The following SLC14A2 variants were observed in gnomAD, a reference collection of about 807,000 sequenced individuals.
SLC14A2 encodes solute carrier family 14 member 2.
Under a neutral mutation model 104.6 loss-of-function variants are expected in SLC14A2, and 91 were observed. The observed-to-expected ratio is 0.87, with a 90% CI of 0.73 to 1.04. SLC14A2 has a LOEUF of 1.04. Among genes scored for constraint, SLC14A2 ranks in the 50% least tolerant of loss-of-function variants. SLC14A2 has a pLI of 0.00. For missense variants in SLC14A2, 1,189 were observed against 1,156.0 expected (o/e 1.03, Z -0.41); for synonymous variants, 476 against 466.4 (o/e 1.02, Z -0.27).
intron 18 of SLC14A2, among the ~76,000 whole-genome samples, chr18:45,675,478 T>TATA (rs1006063822): frequency 1.3e-5 from 2 of 151,950 alleles, no homozygotes; most frequent in African/African-American, 4.8e-5. Context: ...GAAAGCAGTC[T>TATA]ATAACACATA....
At chr18:45,375,767 G>A (rs1343252764) in intron 1 of SLC14A2, among the ~76,000 whole-genome samples, 1 of 152,150 alleles carries the variant, frequency 6.6e-6, no homozygotes, top group Non-Finnish European at 1.5e-5. Flanking sequence ...CAGGCTCTGT[G>A]AGCAATCCAT....
At chr18:45,495,308 C>T (rs2043074504) in intron 2 of SLC14A2, among the ~76,000 whole-genome samples, 1 of 152,160 alleles carries the variant, frequency 6.6e-6, no homozygotes, top group Admixed American at 6.5e-5. Context: ...GAAATAAAAA[C>T]AAAACAAAAT....
intron 2 of SLC14A2, among the ~76,000 whole-genome samples, chr18:45,608,976 G>A (rs955499297): frequency 2.0e-5 from 3 of 152,300 alleles, no homozygotes; most frequent in African/African-American, 7.2e-5. Flanking sequence ...AGGAGCCACA[G>A]GGCAATGGAA....
At position 45,644,122 on chromosome 18, in the gene SLC14A2, T is replaced by C; in HGVS notation, c.1313T>C (p.Leu438Pro). The change falls in exon 10 of 20, where the codon CTG (leucine) becomes CCG (proline). Residue 438 changes from leucine (L) to proline (P), a missense_variant. Leu to Pro is a moderately conservative substitution (Grantham distance 98). Transcript: ENST00000255226. Reference protein sequence around the residue: ...TYPEANRIYYLTVKSGEEEKA... With the variant: ...TYPEANRIYYPTVKSGEEEKA... ...CCCGAGGCCAACCGCATCTACTACC[T>C]GACAGTGAAAAGCGGTGAAGAAGAG... 6.2e-7 allele frequency: 1 copy of C among 1,614,188 alleles called. No homozygotes were observed. Among genetic ancestry groups the C allele is most frequent in the Non-Finnish European group, 8.5e-7 (1 of 1,180,016 alleles).
chr18:45,255,605 G>C (rs1402900247), intron 1 of SLC14A2, among the ~76,000 whole-genome samples: 1 of 152,192 alleles, frequency 6.6e-6, no homozygotes, highest in Admixed American at 6.5e-5. Flanking sequence ...CAAGATGTTA[G>C]AGTCAACAGC....
rs746371586 is a variant in SLC14A2, at chr18:45,639,781, G to A, written c.879G>A (p.Val293=). 3 of 1,614,032 alleles carry A rather than the reference G, an allele frequency of 1.9e-6. No individual in the cohort carries two copies. The highest frequency in any genetic ancestry group is 1.1e-5 in the South Asian group (1 of 91,078). ...LQAIPVGVGQ[V]YGCDNPWTGG... is the part of the protein sequence containing the mutation. Reference sequence around the variant, plus strand: ...CCATCCCTGTTGGGGTCGGCCAGGTGTATGGCTGTGACAATCCCTGGACAG... The same window carrying A: ...CCATCCCTGTTGGGGTCGGCCAGGTATATGGCTGTGACAATCCCTGGACAG... The change falls in exon 7 of 20, where the codon GTG becomes GTA. Residue 293 remains valine, a synonymous_variant. Coordinates refer to ENST00000255226, the MANE Select transcript of SLC14A2 (RefSeq NM_007163.4).
At chr18:45,285,854 C>T (rs1040090087) in intron 1 of SLC14A2, among the ~76,000 whole-genome samples, 1 of 152,160 alleles carries the variant, frequency 6.6e-6, no homozygotes. Flanking sequence ...GGACTCTGCA[C>T]TACATTTCCT....
intron 2 of SLC14A2, among the ~76,000 whole-genome samples, chr18:45,536,645 C>G (rs931300232): frequency 1.3e-5 from 2 of 152,134 alleles, no homozygotes; most frequent in African/African-American, 2.4e-5. Flanking sequence ...AATCCATTGC[C>G]AAGTAAAGTC....
At chr18:45,541,105 G>A (rs1403097110) in intron 2 of SLC14A2, among the ~76,000 whole-genome samples, 1 of 152,140 alleles carries the variant, frequency 6.6e-6, no homozygotes, top group East Asian at 1.9e-4. Context: ...CAGAGTCTAG[G>A]GATCTAAGCC....
At chr18:45,228,987 G>A (rs570739037) in intron 1 of SLC14A2, among the ~76,000 whole-genome samples, 7 of 152,182 alleles carry the variant, frequency 4.6e-5, no homozygotes, top group East Asian at 1.9e-4. Context: ...GCCATCTGTC[G>A]CAGAAATCCT....
At chr18:45,294,578 C>T (rs2084902224) in intron 1 of SLC14A2, among the ~76,000 whole-genome samples, 1 of 152,176 alleles carries the variant, frequency 6.6e-6, no homozygotes, top group Admixed American at 6.5e-5. Context: ...CATGCTTGGG[C>T]CCCATACATT....
intron 1 of SLC14A2, among the ~76,000 whole-genome samples, chr18:45,355,437 G>A (rs762226642): frequency 4.0e-5 from 6 of 151,784 alleles, no homozygotes; most frequent in Admixed American, 3.3e-4. Flanking sequence ...AATTAGCCAG[G>A]CATGGTGGTG....
chr18:45,419,025 A>C (rs8084757), intron 1 of SLC14A2, among the ~76,000 whole-genome samples: 25,063 of 152,194 alleles, frequency 0.16, 3,019 homozygotes, highest in African/African-American at 0.31. Flanking sequence ...ATACTGCTAG[A>C]GTCTCTTCAT....
rs576757478 is a variant in SLC14A2 at position 45,595,974 on chromosome 18, C to T, written c.-34-28657C>T. On this transcript the variant is annotated intron_variant, in intron 2 of 20. Transcript: ENST00000586448. ...GGTCACAGGGCCCACATTGCTCATGCTTCCTGGAGCCCTACTGCTGAGTGG... is the reference window on the plus strand; with the variant it reads ...GGTCACAGGGCCCACATTGCTCATGTTTCCTGGAGCCCTACTGCTGAGTGG... Among the ~76,000 whole-genome samples, 3 of 152,318 alleles carry T rather than the reference C, an allele frequency of 2.0e-5. No individual in the cohort carries two copies. The East Asian group carries it at 5.8e-4, about 29-fold the overall frequency.
intron 2 of SLC14A2, among the ~76,000 whole-genome samples, chr18:45,608,705 T>C (rs553633351): frequency 6.6e-6 from 1 of 152,226 alleles, no homozygotes; most frequent in Non-Finnish European, 1.5e-5. Context: ...ACAACAAGCA[T>C]CTTGGCAAAT....
intron 2 of SLC14A2, among the ~76,000 whole-genome samples, chr18:45,585,522 A>G (rs1358350778): frequency 6.6e-6 from 1 of 152,230 alleles, no homozygotes; most frequent in East Asian, 1.9e-4. Flanking sequence ...TATGTTTCCT[A>G]TTAAGAAAAA....
At chr18:45,475,802 C>T (rs980391560) in intron 1 of SLC14A2, among the ~76,000 whole-genome samples, 3 of 150,990 alleles carry the variant, frequency 2.0e-5, no homozygotes, top group South Asian at 2.1e-4. Context: ...AGGATTGCAA[C>T]GCCTGCTTTT....
At chr18:45,676,587 T>C (rs1268637065) in intron 18 of SLC14A2, among the ~76,000 whole-genome samples, 3 of 152,216 alleles carry the variant, frequency 2.0e-5, no homozygotes, top group African/African-American at 7.2e-5. Context: ...TTCTGTGTCA[T>C]ACCTGAGGCT....
At chr18:45,611,230 C>T (rs1489054650), upstream of SLC14A2, among the ~76,000 whole-genome samples, 1 of 152,212 alleles carries the variant, frequency 6.6e-6, no homozygotes, top group Non-Finnish European at 1.5e-5. Context: ...CCGAGCTTTA[C>T]CTGAATAAGA....
Sources: allele counts gnomAD v4.1 joint callset (sites outside exome capture counted in the v4.1 genomes callset), GRCh38; gene constraint gnomAD v4.1.1; transcripts MANE v1.5; gene names NCBI Gene and HGNC (gene_info 2026-07-23, HGNC 2026-07-21).